The following CHERP variants were observed in gnomAD, a reference collection of about 807,000 sequenced individuals.
CHERP encodes ERPROT 213-21.
Under a neutral mutation model 113.8 loss-of-function variants are expected in CHERP, and 8 were observed. The observed-to-expected ratio is 0.07, with a 90% CI of 0.04 to 0.13. The LOEUF (loss-of-function observed/expected upper bound fraction) is 0.13, where lower values mean the gene tolerates loss of function less well. CHERP is among the 10% of genes least tolerant of loss of function. The pLI is 1.00. For synonymous variants in CHERP, 559 were observed against 524.5 expected, an observed-to-expected ratio of 1.07 and a Z score of -0.90; for missense variants, 884 against 1,298.2, an observed-to-expected ratio of 0.68 and a Z score of 4.90.
chr19:16,535,611 C>T lies in CHERP; in HGVS notation c.225G>A (p.Glu75=). 2.0e-6 allele frequency: 3 copies of T among 1,533,684 alleles called. No individual in the cohort carries two copies. In the East Asian group the frequency reaches 7.3e-5, roughly 37 times the overall value. The part of the protein sequence containing the change: ...QQLICKQQTP[E]LEPAATMPPL... ...GTGGCATGGTGGCGGCTGGCTCCAG[C>T]TCCGGGGTCTGCTGCTTGCAGATGA... is the stretch of plus-strand genomic sequence containing the variant. Residue 75 remains glutamate, a synonymous_variant, in exon 3 of 17, where the codon GAG becomes GAA. Coordinates refer to ENST00000546361, the MANE Select transcript of CHERP (RefSeq NM_006387.6). This position sits in a 1 kb window ranked among gnomAD's most constrained non-coding sequence, Gnocchi z 4.3.
Position 16,521,742 on chromosome 19 carries a change from G to A in CHERP, c.1981-88C>T, listed in dbSNP as rs910249087. 20 of 1,318,586 alleles carry A rather than the reference G, an allele frequency of 1.5e-5. No homozygotes were observed. In the African/African-American group the frequency reaches 2.8e-4, roughly 19 times the overall value. The allele number at this position is 1,318,586 out of a possible 1,614,324, so 81.7% of individuals were successfully genotyped here. A position where few individuals can be genotyped will look rare whatever the true frequency, so the allele number is the denominator to read the frequency against. On this transcript the variant is annotated intron_variant, in intron 11 of 16. Coordinates refer to ENST00000546361, the MANE Select transcript of CHERP (RefSeq NM_006387.6). ...TCTGCAAGGAGTGGGGTCAGGGCAG[G>A]GCCCAGGTTCAGTGTCAAGGGTACC...
Position 16,529,638 on chromosome 19 carries a change from A to T in CHERP, c.1129+10T>A, listed in dbSNP as rs760976703. On this transcript the variant is annotated intron_variant, in intron 8 of 16. Transcript: ENST00000546361. ...TCCTGGGGGCAGGCTGAGCTGAGGG[A>T]GCCCCGTACCAGGCTGGGTGGTGGG... The T allele has an allele frequency of 3.9e-6, 6 of 1,535,750 alleles. No individual in the cohort carries two copies. The highest frequency in any genetic ancestry group is 1.4e-5 in the African/African-American group (1 of 72,708).
chr19:16,535,689 T>G lies in CHERP; in HGVS notation c.200-53A>C. ...ATGAGAATGCAGATGGGGGTCTAGG[T>G]GTCCCCTTGGCCACCTCTCAGCCAC... is the stretch of plus-strand genomic sequence containing the variant. On this transcript the variant is annotated intron_variant, in intron 2 of 16. Coordinates refer to ENST00000546361, the MANE Select transcript of CHERP (RefSeq NM_006387.6). The surrounding 1 kb of genome is among the most constrained non-coding windows in gnomAD (Gnocchi z 4.3). 7.0e-7 allele frequency: 1 copy of G among 1,436,168 alleles called. No individual in the cohort carries two copies. Among genetic ancestry groups the G allele is most frequent in the African/African-American group, 1.4e-5 (1 of 70,048 alleles). 89.0% of individuals were successfully genotyped at this position (1,436,168 alleles called of 1,614,324 possible).
intron 11 of CHERP, 76 bp from the exon 12 acceptor site, chr19:16,521,730 GGGTCA>G: frequency 1.4e-6 from 2 of 1,415,724 alleles, no homozygotes; most frequent in Non-Finnish European, 1.9e-6. Flanking sequence ...GCAAGGAGTG[GGGTCA>G]GGGCAGGGCC....
At chr19:16,538,967 A>G (rs1164817760) in intron 2 of CHERP, among the ~76,000 whole-genome samples, 3 of 151,044 alleles carry the variant, frequency 2.0e-5, no homozygotes, top group South Asian at 2.1e-4. Context: ...GGCTCAACCT[A>G]CTGACTTAAT....
rs764388846 is a variant in CHERP at position 16,519,604 on chromosome 19, C to G, written c.2557+17G>C. On this transcript the variant is annotated intron_variant, in intron 16 of 16. Coordinates refer to ENST00000546361, the MANE Select transcript of CHERP (RefSeq NM_006387.6). This position sits in a 1 kb window ranked among gnomAD's most constrained non-coding sequence, Gnocchi z 6.0. ...CGTGAGGACCCATCCCGCGCCCTCC[C>G]CATTCCCTCGCCTTACCCATCTTCA... The G allele has an allele frequency of 3.4e-5, 54 of 1,610,388 alleles. 1 individual carries two copies. In the South Asian group the frequency reaches 5.9e-4, roughly 18 times the overall value.
chr19:16,528,184 C>T lies in CHERP; in HGVS notation c.1201G>A (p.Ala401Thr). The stretch of plus-strand genomic sequence containing the variant: ...CCGGGGCCCCGGGGGCCGGCAGCTG[C>T]AGGATCCTGGACCCCTCCTGGAGCT... ...YEAPGGVQDP[A>T]AAGPRGPGPH... Residue 401 changes from alanine (A) to threonine (T), a missense_variant, in exon 9 of 17, where the codon GCA becomes ACA. Transcript: ENST00000546361. 1 of 1,612,962 alleles carries T rather than the reference C, an allele frequency of 6.2e-7. No individual in the cohort carries two copies. Among genetic ancestry groups the T allele is most frequent in the African/African-American group, 1.3e-5 (1 of 75,022 alleles).
chr19:16,538,253 C>T (rs1041639156), intron 2 of CHERP, among the ~76,000 whole-genome samples: 1 of 152,194 alleles, frequency 6.6e-6, no homozygotes, highest in Admixed American at 6.6e-5. Context: ...CTACTCTGGG[C>T]TTCAGCCACC....
chr19:16,542,356 T>C lies in CHERP; in HGVS notation c.23A>G (p.Asp8Gly). ...CTCTCGGCCGGTTTGGGTCTCACCATCGGGGGGCAGCGGCATCTCCATGGC... is the reference window on the plus strand; with the variant it reads ...CTCTCGGCCGGTTTGGGTCTCACCACCGGGGGGCAGCGGCATCTCCATGGC... MEMPLPPDDQELRNVIDK... is the reference protein window; with the variant it reads MEMPLPPGDQELRNVIDK... The change falls in exon 1 of 17, where the codon GAT becomes GGT. Residue 8 changes from aspartate (D) to glycine (G), a missense_variant and splice_region_variant. Physicochemically the swap from Asp to Gly is moderately conservative, Grantham distance 94. Coordinates refer to ENST00000546361, the MANE Select transcript of CHERP (RefSeq NM_006387.6). 7.1e-7 allele frequency: 1 copy of C among 1,399,140 alleles called. No individual in the cohort carries two copies. The highest frequency in any genetic ancestry group is 9.3e-7 in the Non-Finnish European group (1 of 1,070,480). The allele number at this position is 1,399,140 out of a possible 1,614,324, so 86.7% of individuals were successfully genotyped here. A position where few individuals can be genotyped will look rare whatever the true frequency, so the allele number is the denominator to read the frequency against.
chr19:16,535,855 G>A lies in CHERP; in HGVS notation c.200-219C>T, dbSNP rs1233165607. Reference sequence around the variant, plus strand: ...AGCCTCAGCATTCCATCTTCGGGCCGTCCCCTCCTCGGAGAACCTAGGAAG... The same window carrying A: ...AGCCTCAGCATTCCATCTTCGGGCCATCCCCTCCTCGGAGAACCTAGGAAG... On this transcript the variant is annotated intron_variant, in intron 2 of 16. Coordinates refer to ENST00000546361, the MANE Select transcript of CHERP (RefSeq NM_006387.6). This position sits in a 1 kb window ranked among gnomAD's most constrained non-coding sequence, Gnocchi z 4.3. Among the ~76,000 whole-genome samples the A allele has an allele frequency of 1.3e-5, 2 of 152,062 alleles. No homozygotes were observed. Among genetic ancestry groups the A allele is most frequent in the African/African-American group, 2.4e-5 (1 of 41,402 alleles).
intron 1 of CHERP, 129 bp from the exon 2 acceptor site, chr19:16,542,172 G>A: frequency 8.5e-7 from 1 of 1,181,300 alleles, no homozygotes; most frequent in South Asian, 1.6e-5. Flanking sequence ...GGCCGCCCTT[G>A]TACGGGTCCC....
chr19:16,519,904 C>T lies in CHERP; in HGVS notation c.2463-189G>A. ...TAAGGGGGCTCCAGACGCTGGCCCCCACCCCACGCTCAGCATTGAGAGCAG... is the reference window on the plus strand; with the variant it reads ...TAAGGGGGCTCCAGACGCTGGCCCCTACCCCACGCTCAGCATTGAGAGCAG... On this transcript the variant is annotated intron_variant, in intron 15 of 16. Transcript: ENST00000546361. This position sits in a 1 kb window ranked among gnomAD's most constrained non-coding sequence, Gnocchi z 6.0. 3.0e-6 allele frequency: 2 copies of T among 667,970 alleles called. No homozygotes were observed. Among genetic ancestry groups the T allele is most frequent in the Non-Finnish European group, 5.2e-6 (2 of 383,918 alleles). The allele number at this position is 667,970 out of a possible 1,614,324, so 41.4% of individuals were successfully genotyped here. A position where few individuals can be genotyped will look rare whatever the true frequency, so the allele number is the denominator to read the frequency against.
intron 12 of CHERP, 90 bp from the exon 13 acceptor site, chr19:16,521,002 T>C: frequency 8.9e-7 from 1 of 1,127,668 alleles, no homozygotes; most frequent in Non-Finnish European, 1.3e-6. Context: ...CCACAGAACC[T>C]TGGAGAGTAC....
chr19:16,535,364 C>A lies in CHERP; in HGVS notation c.384+88G>T. ...GCAGGGGGGGCCCTGTCCTCACTGACACCTGTTATTCATTCTGATGAGCAG... is the reference window on the plus strand; with the variant it reads ...GCAGGGGGGGCCCTGTCCTCACTGAAACCTGTTATTCATTCTGATGAGCAG... On this transcript the variant is annotated intron_variant, in intron 3 of 16. Coordinates refer to ENST00000546361, the MANE Select transcript of CHERP (RefSeq NM_006387.6). The surrounding 1 kb of genome is among the most constrained non-coding windows in gnomAD (Gnocchi z 4.3). The A allele has an allele frequency of 7.0e-7, 1 of 1,421,626 alleles. No homozygotes were observed. Among genetic ancestry groups the A allele is most frequent in the Middle Eastern group, 2.2e-4 (1 of 4,578 alleles). 88.1% of individuals were successfully genotyped at this position (1,421,626 alleles called of 1,614,324 possible). A position where few individuals can be genotyped will look rare whatever the true frequency, so the allele number is the denominator to read the frequency against.
chr19:16,523,251 G>A lies in CHERP; in HGVS notation c.1781C>T (p.Pro594Leu), dbSNP rs769385871. Residue 594 changes from proline to leucine, a missense_variant, in exon 11 of 17, where the codon CCT (proline) becomes CTT (leucine). Physicochemically the swap from Pro to Leu is moderately conservative, Grantham distance 98. Coordinates refer to ENST00000546361, the MANE Select transcript of CHERP (RefSeq NM_006387.6). This position sits in a 1 kb window ranked among gnomAD's most constrained non-coding sequence, Gnocchi z 4.0. ...CGGGTGCTCGTTGATGCCAGGATGA[G>A]GCATGCGGTGGCCAGGGTGGTGGTG... ...PPHHHPGHRM[P>L]HPGINEHPPW... 4 of 1,602,754 alleles carry A rather than the reference G, an allele frequency of 2.5e-6. No homozygotes were observed. The South Asian group carries it at 4.4e-5, about 18-fold the overall frequency.
At position 16,535,947 on chromosome 19, in the gene CHERP, C is replaced by T. The variant is rs2085738428; in HGVS notation, c.200-311G>A. Among the ~76,000 whole-genome samples the T allele has an allele frequency of 6.6e-6, 1 of 152,202 alleles. No individual in the cohort carries two copies. Among genetic ancestry groups the T allele is most frequent in the South Asian group, 2.1e-4 (1 of 4,834 alleles). ...CAGTGTCCTTCCGGTGCAAGCTAAG[C>T]TTGCCTGCCCACCTCCTCACCCACC... On this transcript the variant is annotated intron_variant, in intron 2 of 16. Coordinates refer to ENST00000546361, the MANE Select transcript of CHERP (RefSeq NM_006387.6). The surrounding 1 kb of genome is among the most constrained non-coding windows in gnomAD (Gnocchi z 4.3).
chr19:16,530,974 C>T lies in CHERP; in HGVS notation c.675-94G>A. 5 of 1,522,860 alleles carry T rather than the reference C, an allele frequency of 3.3e-6. No individual in the cohort carries two copies. The highest frequency in any genetic ancestry group is 4.4e-6 in the Non-Finnish European group (5 of 1,138,152). The allele number at this position is 1,522,860 out of a possible 1,614,324, so 94.3% of individuals were successfully genotyped here. ...GCGGCTCCAGCCTCAGCGCCCTCTG[C>T]CTTCTCGGGAATCGGGTCCCCAACC... On this transcript the variant is annotated intron_variant, in intron 5 of 16. Coordinates refer to ENST00000546361, the MANE Select transcript of CHERP (RefSeq NM_006387.6). This position sits in a 1 kb window ranked among gnomAD's most constrained non-coding sequence, Gnocchi z 4.1.
chr19:16,527,805 G>A (rs1319500528), intron 9 of CHERP, among the ~76,000 whole-genome samples: 8 of 152,302 alleles, frequency 5.3e-5, no homozygotes, highest in South Asian at 2.1e-4. Context: ...GCCTTGCAGC[G>A]TTAAACTCCC....
In CHERP at chr19:16,535,923, A is replaced by G. The variant is rs1298461085; in HGVS notation, c.200-287T>C. On this transcript the variant is annotated intron_variant, in intron 2 of 16. Coordinates refer to ENST00000546361, the MANE Select transcript of CHERP (RefSeq NM_006387.6). This position sits in a 1 kb window ranked among gnomAD's most constrained non-coding sequence, Gnocchi z 4.3. The stretch of plus-strand genomic sequence containing the variant: ...CGCCAGCACCATCCAGTCCTTGCGC[A>G]GTGTCCTTCCGGTGCAAGCTAAGCT... Among the ~76,000 whole-genome samples the G allele has an allele frequency of 6.6e-6, 1 of 152,110 alleles. No homozygotes were observed. Among genetic ancestry groups the G allele is most frequent in the Non-Finnish European group, 1.5e-5 (1 of 67,990 alleles).
Sources: allele counts gnomAD v4.1 joint callset (sites outside exome capture counted in the v4.1 genomes callset), GRCh38; gene constraint gnomAD v4.1.1; non-coding constraint Gnocchi (gnomAD v3.1); transcripts MANE v1.5; gene names NCBI Gene and HGNC (gene_info 2026-07-23, HGNC 2026-07-21).